The following FARS2 variants were observed in gnomAD, a reference collection of about 807,000 sequenced individuals.
FARS2 encodes the protein phenylalanyl-tRNA synthetase 2, mitochondrial, also known as phenylalanine--tRNA ligase, mitochondrial.
FARS2 carries 40 observed loss-of-function variants against 46.4 expected under a neutral mutation model. The ratio of observed to expected loss-of-function variants is 0.86; its 90% CI spans 0.67 to 1.12. The LOEUF (loss-of-function observed/expected upper bound fraction) is 1.12, where lower values mean the gene tolerates loss of function less well. Ranked by LOEUF, FARS2 falls within the 50% of genes most tolerant of loss-of-function variation. FARS2 has a pLI of 0.00. For missense variants in FARS2, 513 were observed against 567.9 expected (o/e 0.90, Z 0.98); for synonymous variants, 234 against 214.9 (o/e 1.09, Z -0.78).
intron 5 of FARS2, among the ~76,000 whole-genome samples, chr6:5,585,015 C>T (rs1427880870): frequency 2.6e-5 from 4 of 152,018 alleles, no homozygotes; most frequent in Non-Finnish European, 5.9e-5. Context: ...TCCTTCTTCC[C>T]ATATTCTTTT....
At chr6:5,303,085 A>G (rs1768437569) in intron 1 of FARS2, among the ~76,000 whole-genome samples, 1 of 152,192 alleles carries the variant, frequency 6.6e-6, no homozygotes, top group African/African-American at 2.4e-5. Flanking sequence ...GAAGTTCAAG[A>G]GAGTAATTCT....
upstream of FARS2, chr6:5,260,717 C>T: frequency 1.9e-6 from 3 of 1,551,384 alleles, no homozygotes; most frequent in East Asian, 2.4e-5. Context: ...CACTTGTGCG[C>T]GACTGGAGGC....
chr6:5,634,443 C>T (rs1191686563), intron 6 of FARS2, among the ~76,000 whole-genome samples: 4 of 152,162 alleles, frequency 2.6e-5, no homozygotes, highest in Admixed American at 1.3e-4. Context: ...GCTGGGACCA[C>T]AGGTGTATAC....
At chr6:5,646,048 G>A (rs1379167744) in intron 6 of FARS2, among the ~76,000 whole-genome samples, 4 of 152,104 alleles carry the variant, frequency 2.6e-5, no homozygotes, top group East Asian at 3.9e-4. Context: ...GTCTCGTATG[G>A]TTTGGTGGAG....
chr6:5,505,852 C>T (rs1256605333), intron 4 of FARS2, among the ~76,000 whole-genome samples: 1 of 152,148 alleles, frequency 6.6e-6, no homozygotes, highest in Non-Finnish European at 1.5e-5. Flanking sequence ...CCTTCAGTTC[C>T]ACCAGCTATT....
At chr6:5,425,540 G>A (rs541495618) in intron 3 of FARS2, among the ~76,000 whole-genome samples, 5 of 152,246 alleles carry the variant, frequency 3.3e-5, no homozygotes, top group African/African-American at 1.2e-4. Context: ...CGCCCTGCAA[G>A]TGTCCCTGGC....
At chr6:5,539,550 A>G (rs1561696897) in intron 4 of FARS2, among the ~76,000 whole-genome samples, 1 of 151,708 alleles carries the variant, frequency 6.6e-6, no homozygotes, top group Admixed American at 6.6e-5. Flanking sequence ...CTACATTTCT[A>G]ATAAACCAGC....
chr6:5,339,435 T>C (rs1219595476), intron 1 of FARS2, among the ~76,000 whole-genome samples: 2 of 148,800 alleles, frequency 1.3e-5, no homozygotes, highest in Admixed American at 1.3e-4. Context: ...GGAGACTTCT[T>C]TTTTTTTTTT....
chr6:5,771,436 C>A lies in FARS2; in HGVS notation c.*7C>A. ...TGTGGAGGGCAGGTTCTGATGTCAC[C>A]ACTTCACTCAGGCTGCAGCCCTCTT... On this transcript the variant is annotated 3_prime_UTR_variant, in exon 7 of 7. Transcript: ENST00000274680. The A allele has an allele frequency of 1.2e-6, 2 of 1,609,768 alleles. No homozygotes were observed. Among genetic ancestry groups the A allele is most frequent in the East Asian group, 2.2e-5 (1 of 44,780 alleles).
intron 2 of FARS2, among the ~76,000 whole-genome samples, chr6:5,385,209 G>A (rs1459735222): frequency 6.6e-6 from 1 of 152,184 alleles, no homozygotes; most frequent in African/African-American, 2.4e-5. Context: ...ATTGAAAACT[G>A]TAGAAATTAG....
At chr6:5,622,655 G>A (rs2150699378) in intron 6 of FARS2, among the ~76,000 whole-genome samples, 1 of 152,342 alleles carries the variant, frequency 6.6e-6, no homozygotes, top group South Asian at 2.1e-4. Context: ...CCTCCGCCAT[G>A]TGAGGATGAG....
intron 3 of FARS2, among the ~76,000 whole-genome samples, chr6:5,417,781 A>G (rs1415386688): frequency 6.6e-6 from 1 of 152,194 alleles, no homozygotes; most frequent in Non-Finnish European, 1.5e-5. Flanking sequence ...TTTTCGTGAA[A>G]TCTGGAAAAT....
intron 6 of FARS2, among the ~76,000 whole-genome samples, chr6:5,704,635 A>G (rs1001456783): frequency 2.6e-5 from 4 of 152,232 alleles, no homozygotes; most frequent in Admixed American, 2.0e-4. Flanking sequence ...ACGTCCAAAA[A>G]AAGTGAAAAT....
intron 5 of FARS2, among the ~76,000 whole-genome samples, chr6:5,578,808 C>CAAAAAAAAAAAAAAAAAAAAAAAAAAA (rs56248218): frequency 1.6e-5 from 2 of 124,374 alleles, no homozygotes; most frequent in African/African-American, 3.2e-5. Context: ...CACTCCGTCT[C>CAAAAAAAAAAAAAAAAAAAAAAAAAAA]AAAAAAAAAA....
chr6:5,299,137 C>T (rs1463219335), intron 1 of FARS2, among the ~76,000 whole-genome samples: 1 of 152,206 alleles, frequency 6.6e-6, no homozygotes, highest in African/African-American at 2.4e-5. Context: ...GATTTCAGTA[C>T]AAGCTTTAGC....
rs1224550949 is a variant in FARS2, at chr6:5,511,235, C to T, written c.905-33945C>T. ...ATGAGAAGGTATTTAAGGGATCTTGCAATTTTCCTGCAGGAGAAAAAGAGA... is the reference window on the plus strand; with the variant it reads ...ATGAGAAGGTATTTAAGGGATCTTGTAATTTTCCTGCAGGAGAAAAAGAGA... On this transcript the variant is annotated intron_variant, in intron 4 of 6. Coordinates refer to ENST00000274680, the MANE Select transcript of FARS2 (RefSeq NM_006567.5). 2.0e-5 allele frequency among the ~76,000 whole-genome samples: 3 copies of T among 152,090 alleles called. No homozygotes were observed. In the South Asian group the frequency reaches 6.2e-4, roughly 32 times the overall value.
In FARS2 at chr6:5,539,396, A is replaced by ATATATATATATATG. The variant is rs1024662143; in HGVS notation, c.905-5781_905-5780insATATATATATGTAT. The stretch of plus-strand genomic sequence containing the variant: ...TAATTTTTTTTGTGTATATATATAT[A>ATATATATATATATG]TATGTATATATTTTTTTAGTAGAGA... On this transcript the variant is annotated intron_variant, in intron 4 of 6. Transcript: ENST00000274680. Among the ~76,000 whole-genome samples, 58 of 136,506 alleles carry ATATATATATATATG rather than the reference A, an allele frequency of 4.2e-4. 2 individuals are homozygous for ATATATATATATATG. Among genetic ancestry groups the ATATATATATATATG allele is most frequent in the African/African-American group, 1.7e-3 (57 of 33,788 alleles). 89.6% of individuals were successfully genotyped at this position (136,506 alleles called of 152,430 possible).
chr6:5,383,076 T>G (rs533657858), intron 2 of FARS2, among the ~76,000 whole-genome samples: 1 of 152,204 alleles, frequency 6.6e-6, no homozygotes, highest in African/African-American at 2.4e-5. Flanking sequence ...TAATGATGTT[T>G]AATGAAATAT....
intron 1 of FARS2, among the ~76,000 whole-genome samples, chr6:5,315,616 T>C (rs1479507820): frequency 1.3e-5 from 2 of 152,194 alleles, no homozygotes; most frequent in Non-Finnish European, 1.5e-5. Flanking sequence ...ATCTACAATC[T>C]GAAAAACAGC....
Sources: allele counts gnomAD v4.1 joint callset (sites outside exome capture counted in the v4.1 genomes callset), GRCh38; gene constraint gnomAD v4.1.1; transcripts MANE v1.5; gene names NCBI Gene and HGNC (gene_info 2026-07-23, HGNC 2026-07-21).